The following GALNT7 variants were observed in gnomAD, a reference collection of about 807,000 sequenced individuals.
The protein encoded by GALNT7 is N-acetylgalactosaminyltransferase 7.
GALNT7 carries 60 observed loss-of-function variants against 82.1 expected under a neutral mutation model. The observed-to-expected ratio is 0.73, with a 90% CI of 0.59 to 0.91. The LOEUF is 0.91. Ranked by LOEUF, GALNT7 falls within the 40% of genes least tolerant of loss-of-function variation. The pLI is 0.00. For missense variants in GALNT7, 660 were observed against 804.2 expected (o/e 0.82, Z 2.17); for synonymous variants, 243 against 275.1 (o/e 0.88, Z 1.15).
At chr4:173,232,968 C>T (rs1023562635) in intron 1 of GALNT7, among the ~76,000 whole-genome samples, 5 of 152,150 alleles carry the variant, frequency 3.3e-5, no homozygotes, top group Admixed American at 2.0e-4. Flanking sequence ...TTAGCTCTCG[C>T]GTATGAGTGA....
At chr4:173,307,712 G>A (rs975900825) in intron 8 of GALNT7, among the ~76,000 whole-genome samples, 6 of 152,226 alleles carry the variant, frequency 3.9e-5, no homozygotes, top group Non-Finnish European at 7.3e-5. Flanking sequence ...GAGCATGAAC[G>A]AACTATAGCA....
chr4:173,314,291 T>A, intron 9 of GALNT7, 115 bp downstream of exon 9: 1 of 733,380 alleles, frequency 1.4e-6, no homozygotes. Flanking sequence ...GGGTAAAAAC[T>A]GTCTGATAGG....
chr4:173,292,201 C>A lies in GALNT7; in HGVS notation c.681C>A (p.Val227=). The A allele has an allele frequency of 6.3e-7, 1 of 1,598,838 alleles. No individual in the cohort carries two copies. The highest frequency in any genetic ancestry group is 8.5e-7 in the Non-Finnish European group (1 of 1,170,410). ...GATGGTCAACCCTCATGAGAACAGTCCACAGTGTAATTAAAAGGACTCCAA... is the reference window on the plus strand; with the variant it reads ...GATGGTCAACCCTCATGAGAACAGTACACAGTGTAATTAAAAGGACTCCAA... The part of the protein sequence containing the change: ...NEGWSTLMRT[V]HSVIKRTPRK... Residue 227 remains valine, a synonymous_variant, in exon 3 of 12, where the codon GTC becomes GTA. Transcript: ENST00000265000. The surrounding 1 kb of genome is among the most constrained non-coding windows in gnomAD (Gnocchi z 4.8).
intron 1 of GALNT7, among the ~76,000 whole-genome samples, chr4:173,182,366 A>C (rs1015931325): frequency 4.6e-5 from 7 of 152,172 alleles, no homozygotes; most frequent in African/African-American, 9.7e-5. Flanking sequence ...TTTCTGGTGA[A>C]TTGAGATACT....
At chr4:173,176,909 G>A (rs722826) in intron 1 of GALNT7, among the ~76,000 whole-genome samples, 23,545 of 152,194 alleles carry the variant, frequency 0.15, 1,896 homozygotes, top group Non-Finnish European at 0.18. Context: ...ATTTTAGTGA[G>A]GAGAGAATTA....
chr4:173,184,092 A>G (rs899133709), intron 1 of GALNT7, among the ~76,000 whole-genome samples: 12 of 149,712 alleles, frequency 8.0e-5, no homozygotes, highest in African/African-American at 2.7e-4. Flanking sequence ...AGGGTCGGGA[A>G]GAGGCTCTCC....
At chr4:173,251,869 C>A (rs552987681) in intron 2 of GALNT7, among the ~76,000 whole-genome samples, 1 of 152,252 alleles carries the variant, frequency 6.6e-6, no homozygotes, top group East Asian at 1.9e-4. Context: ...TGATAAAAGT[C>A]ATTTTTTAAT....
chr4:173,300,669 A>G (rs1736889178), intron 6 of GALNT7, among the ~76,000 whole-genome samples: 1 of 152,110 alleles, frequency 6.6e-6, no homozygotes, highest in Non-Finnish European at 1.5e-5. Context: ...AGAGGCTGGT[A>G]TCATGCAGGC....
chr4:173,191,410 G>A (rs1299113656), intron 1 of GALNT7, among the ~76,000 whole-genome samples: 1 of 152,178 alleles, frequency 6.6e-6, no homozygotes, highest in Admixed American at 6.5e-5. Context: ...TCTGTCTAGT[G>A]TCCCCTGTTT....
At chr4:173,288,447 A>C (rs1005726355) in intron 2 of GALNT7, among the ~76,000 whole-genome samples, 3 of 152,020 alleles carry the variant, frequency 2.0e-5, no homozygotes, top group African/African-American at 4.8e-5. Context: ...TTTTCGACAA[A>C]CAGCCAGCAA....
At chr4:173,267,342 G>A (rs150889900) in intron 2 of GALNT7, among the ~76,000 whole-genome samples, 126 of 152,188 alleles carry the variant, frequency 8.3e-4, no homozygotes, top group African/African-American at 2.8e-3. Context: ...CCTGAAACGC[G>A]TACCTGAATG....
At chr4:173,245,336 G>A (rs903312340) in intron 1 of GALNT7, among the ~76,000 whole-genome samples, 1 of 151,936 alleles carries the variant, frequency 6.6e-6, no homozygotes, top group Non-Finnish European at 1.5e-5. Flanking sequence ...TTTGGTATTA[G>A]CATAGGTCAA....
At chr4:173,273,131 A>G (rs1003484711) in intron 2 of GALNT7, among the ~76,000 whole-genome samples, 1 of 152,228 alleles carries the variant, frequency 6.6e-6, no homozygotes, top group African/African-American at 2.4e-5. Flanking sequence ...GCTTTTGGAA[A>G]TGTAAGTCCT....
intron 1 of GALNT7, among the ~76,000 whole-genome samples, chr4:173,180,234 G>T (rs999827299): frequency 6.7e-6 from 1 of 148,284 alleles, no homozygotes. Context: ...TTGCTTGATT[G>T]TTTAATGCTC....
chr4:173,288,472 A>G (rs566169457), intron 2 of GALNT7, among the ~76,000 whole-genome samples: 3 of 151,774 alleles, frequency 2.0e-5, no homozygotes, highest in African/African-American at 7.3e-5. Flanking sequence ...CCCCATGGAG[A>G]AAAAAATCCC....
At chr4:173,236,283 TC>T (rs1456042677) in intron 1 of GALNT7, among the ~76,000 whole-genome samples, 9 of 152,132 alleles carry the variant, frequency 5.9e-5, no homozygotes, top group African/African-American at 1.9e-4. Flanking sequence ...TTACCATACT[TC>T]CCTGGCCTAT....
intron 1 of GALNT7, among the ~76,000 whole-genome samples, chr4:173,220,703 C>T (rs1225291265): frequency 7.1e-6 from 1 of 141,120 alleles, no homozygotes; most frequent in Non-Finnish European, 1.5e-5. Flanking sequence ...TTCCTGTGTC[C>T]ACGTGTTCTC....
At chr4:173,267,600 T>A (rs1735550737) in intron 2 of GALNT7, among the ~76,000 whole-genome samples, 1 of 152,078 alleles carries the variant, frequency 6.6e-6, no homozygotes. Context: ...AGTCTTCACC[T>A]CAGCAAGCAG....
chr4:173,287,896 A>T (rs909332528), intron 2 of GALNT7, among the ~76,000 whole-genome samples: 117 of 152,160 alleles, frequency 7.7e-4, no homozygotes, highest in African/African-American at 2.7e-3. Flanking sequence ...GAAACATTGA[A>T]ATCCCAGAGA....
Sources: allele counts gnomAD v4.1 joint callset (sites outside exome capture counted in the v4.1 genomes callset), GRCh38; gene constraint gnomAD v4.1.1; non-coding constraint Gnocchi (gnomAD v3.1); transcripts MANE v1.5; gene names NCBI Gene and HGNC (gene_info 2026-07-23, HGNC 2026-07-21).